The following DGKI variants were observed in gnomAD, a reference collection of about 807,000 sequenced individuals.
DGKI encodes the protein DAG kinase iota.
A neutral mutation model predicts 147.5 loss-of-function variants in DGKI; 55 were observed. The observed-to-expected ratio is 0.37, with a 90% CI of 0.30 to 0.47. DGKI has a LOEUF of 0.47. DGKI is among the 20% of genes least tolerant of loss of function. The probability of loss-of-function intolerance (pLI) is 1.00; values close to 1 mark genes in which losing one functional copy is unlikely to be tolerated. For missense variants in DGKI, 1,007 were observed against 1,323.8 expected, an observed-to-expected ratio of 0.76 and a Z score of 3.71; for synonymous variants, 469 against 477.1, an observed-to-expected ratio of 0.98 and a Z score of 0.22.
intron 12 of DGKI, among the ~76,000 whole-genome samples, chr7:137,588,187 G>T (rs1355693544): frequency 1.3e-5 from 2 of 152,098 alleles, no homozygotes; most frequent in African/African-American, 4.8e-5. Context: ...AAATTATTTT[G>T]ATACGAAGTA....
At chr7:137,400,075 G>A (rs1234910282) in intron 30 of DGKI, among the ~76,000 whole-genome samples, 1 of 152,174 alleles carries the variant, frequency 6.6e-6, no homozygotes, top group African/African-American at 2.4e-5. Flanking sequence ...GATCATCAGT[G>A]AAGGAATGTG....
chr7:137,836,474 A>G (rs1042991816), intron 1 of DGKI, among the ~76,000 whole-genome samples: 7 of 152,232 alleles, frequency 4.6e-5, no homozygotes, highest in African/African-American at 1.4e-4. Context: ...TTTTGTAAAA[A>G]TCAAATGGGG....
intron 12 of DGKI, among the ~76,000 whole-genome samples, chr7:137,588,475 C>CTTTTTTT (rs71533759): frequency 1.7e-5 from 2 of 116,720 alleles, no homozygotes; most frequent in African/African-American, 3.6e-5. Context: ...CATACCGATG[C>CTTTTTTT]TTTTTTTTTT....
chr7:137,560,450 A>G (rs976414118), intron 19 of DGKI, among the ~76,000 whole-genome samples: 2 of 152,170 alleles, frequency 1.3e-5, no homozygotes, highest in African/African-American at 4.8e-5. Flanking sequence ...GTCCAAGGAG[A>G]CCAGTGGACC....
intron 21 of DGKI, among the ~76,000 whole-genome samples, chr7:137,510,016 G>A (rs1044457809): frequency 2.6e-5 from 4 of 152,226 alleles, no homozygotes; most frequent in African/African-American, 9.6e-5. Context: ...GGTGGAGCAT[G>A]AGATCCAATC....
At chr7:137,635,594 G>T (rs1171367284) in intron 6 of DGKI, among the ~76,000 whole-genome samples, 1 of 152,202 alleles carries the variant, frequency 6.6e-6, no homozygotes. Context: ...AAGCGGCCAT[G>T]TGACCATGAG....
At chr7:137,736,933 T>C (rs1424927458) in intron 1 of DGKI, among the ~76,000 whole-genome samples, 1 of 152,088 alleles carries the variant, frequency 6.6e-6, no homozygotes, top group African/African-American at 2.4e-5. Context: ...CTAATGACTG[T>C]GGCTTTAAAT....
intron 30 of DGKI, among the ~76,000 whole-genome samples, chr7:137,405,112 C>G (rs534208048): frequency 1.3e-5 from 2 of 152,166 alleles, no homozygotes; most frequent in South Asian, 4.2e-4. Context: ...TCATTCATGT[C>G]CCTGGGGCAC....
chr7:137,735,858 C>G lies in DGKI; in HGVS notation c.402-45856G>C, dbSNP rs571849475. Among the ~76,000 whole-genome samples the G allele has an allele frequency of 3.3e-5, 5 of 152,186 alleles. No homozygotes were observed. In the South Asian group the frequency reaches 1.0e-3, roughly 32 times the overall value. On this transcript the variant is annotated intron_variant, in intron 1 of 32. Coordinates refer to ENST00000614521, the MANE Select transcript of DGKI (RefSeq NM_001321708.2). ...TTCCTGAGAAATGAAATTATAGGAG[C>G]AAGAGCTGAGGCTCATGGCCACACT... is the stretch of plus-strand genomic sequence containing the variant.
At chr7:137,497,727 T>G (rs2128940836) in intron 21 of DGKI, among the ~76,000 whole-genome samples, 1 of 152,264 alleles carries the variant, frequency 6.6e-6, no homozygotes, top group South Asian at 2.1e-4. Context: ...ATATTCTCAC[T>G]TATAAGTAGG....
chr7:137,395,632 T>C lies in DGKI; in HGVS notation c.3023A>G (p.Asp1008Gly). Residue 1008 changes from aspartate (D) to glycine (G), a missense_variant, in exon 32 of 33, where the codon GAT (aspartate) becomes GGT (glycine). Asp to Gly is a moderately conservative substitution (Grantham distance 94). Transcript: ENST00000614521. ...RNRAVCQLLV[D>G]AGASLRKTDS... ...CGTCTTTCTCAGAGATGCTCCTGCA[T>C]CCACCAGAAGCTGGCACACAGCCCG... is the stretch of plus-strand genomic sequence containing the variant. 6.2e-7 allele frequency: 1 copy of C among 1,614,140 alleles called. No individual in the cohort carries two copies. The highest frequency in any genetic ancestry group is 8.5e-7 in the Non-Finnish European group (1 of 1,179,980).
intron 1 of DGKI, among the ~76,000 whole-genome samples, chr7:137,805,987 G>A (rs1052171631): frequency 6.6e-6 from 1 of 152,214 alleles, no homozygotes; most frequent in Non-Finnish European, 1.5e-5. Flanking sequence ...GGCTGTATTT[G>A]AGCCAGATAA....
At chr7:137,737,045 C>T (rs982792056) in intron 1 of DGKI, among the ~76,000 whole-genome samples, 3 of 151,722 alleles carry the variant, frequency 2.0e-5, no homozygotes, top group Non-Finnish European at 2.9e-5. Context: ...AAAAATTGGA[C>T]GGAAAACTAT....
intron 27 of DGKI, among the ~76,000 whole-genome samples, chr7:137,450,759 AT>A: frequency 6.6e-6 from 1 of 151,224 alleles, no homozygotes; most frequent in Admixed American, 6.6e-5. Flanking sequence ...ATAGTTACAT[AT>A]TTTTAATTAT....
At chr7:137,721,843 G>A in intron 1 of DGKI, 1 of 597,328 alleles carries the variant, frequency 1.7e-6, no homozygotes, top group East Asian at 2.8e-5. Flanking sequence ...AACTGGCAAT[G>A]ATCTGGCCCT....
chr7:137,567,682 A>G (rs1344867506), intron 19 of DGKI, among the ~76,000 whole-genome samples: 1 of 152,230 alleles, frequency 6.6e-6, no homozygotes, highest in African/African-American at 2.4e-5. Context: ...AAACTGCATA[A>G]GAAAATAAAT....
intron 20 of DGKI, among the ~76,000 whole-genome samples, chr7:137,540,690 GGA>G (rs1817660438): frequency 2.7e-5 from 1 of 37,008 alleles, no homozygotes; most frequent in Non-Finnish European, 4.8e-5. Flanking sequence ...TGTATCAAAA[GGA>G]AAAAAAAATC....
In DGKI at chr7:137,545,973, C is replaced by G. The variant is rs757735363; in HGVS notation, c.2147+6396G>C. 7 of 701,962 alleles carry G rather than the reference C, an allele frequency of 1.0e-5. No individual in the cohort carries two copies. In the South Asian group the frequency reaches 1.0e-4, roughly 10 times the overall value. 43.5% of individuals were successfully genotyped at this position (701,962 alleles called of 1,614,324 possible). A position where few individuals can be genotyped will look rare whatever the true frequency, so the allele number is the denominator to read the frequency against. On this transcript the variant is annotated intron_variant, in intron 20 of 32. Coordinates refer to ENST00000614521, the MANE Select transcript of DGKI (RefSeq NM_001321708.2). ...TGCACCTGATGAATACTAGAGGCAG[C>G]AGGGAATGAGCAGCGAAGACAGAGT...
chr7:137,775,557 A>G (rs985177442), intron 1 of DGKI, among the ~76,000 whole-genome samples: 19 of 152,336 alleles, frequency 1.2e-4, no homozygotes, highest in African/African-American at 4.6e-4. Flanking sequence ...ATGTCGGTGC[A>G]TGTGCACACA....
Sources: allele counts gnomAD v4.1 joint callset (sites outside exome capture counted in the v4.1 genomes callset), GRCh38; gene constraint gnomAD v4.1.1; transcripts MANE v1.5; gene names NCBI Gene and HGNC (gene_info 2026-07-23, HGNC 2026-07-21).